CPA6: variants seen among roughly 807,000 people sequenced by gnomAD.
CPA6 encodes the protein carboxypeptidase A6.
CPA6 carries 58 observed loss-of-function variants against 63.3 expected under a neutral mutation model. The ratio of observed to expected loss-of-function variants is 0.92; its 90% confidence interval spans 0.74 to 1.14. The LOEUF (loss-of-function observed/expected upper bound fraction) is 1.14, where lower values mean the gene tolerates loss of function less well. Ranked by LOEUF, CPA6 falls within the 50% of genes most tolerant of loss-of-function variation. The probability of loss-of-function intolerance (pLI) is 0.00; values close to 1 mark genes in which losing one functional copy is unlikely to be tolerated. For missense variants in CPA6, 565 were observed against 526.6 expected, an observed-to-expected ratio of 1.07 and a Z score of -0.71; for synonymous variants, 185 against 179.0, an observed-to-expected ratio of 1.03 and a Z score of -0.27.
At chr8:67,489,138 G>T (rs1171293246) in intron 6 of CPA6, among the ~76,000 whole-genome samples, 1 of 151,778 alleles carries the variant, frequency 6.6e-6, no homozygotes, top group Non-Finnish European at 1.5e-5. Context: ...TAGAGACAGG[G>T]TCTCCCTATG....
intron 9 of CPA6, 64 bp from the exon 10 acceptor site, chr8:67,428,195 G>C (rs956263206): frequency 5.6e-6 from 5 of 899,164 alleles, no homozygotes; most frequent in Non-Finnish European, 9.2e-6. Flanking sequence ...ACACTGCTAT[G>C]TTGTTTGAGC....
At chr8:67,427,544 T>C (rs1809920771) in intron 10 of CPA6, among the ~76,000 whole-genome samples, 1 of 152,202 alleles carries the variant, frequency 6.6e-6, no homozygotes, top group South Asian at 2.1e-4. Flanking sequence ...GATCTCTGGC[T>C]CTGCTATACA....
At chr8:67,742,718 T>G (rs543677111) in intron 1 of CPA6, among the ~76,000 whole-genome samples, 77 of 152,270 alleles carry the variant, frequency 5.1e-4, no homozygotes, top group African/African-American at 1.8e-3. Context: ...AACCTCAGTT[T>G]AAGAAGTTAA....
chr8:67,658,116 A>G (rs11987287), intron 1 of CPA6, among the ~76,000 whole-genome samples: 82 of 152,118 alleles, frequency 5.4e-4, no homozygotes, highest in African/African-American at 1.9e-3. Context: ...ACTCTTCCCT[A>G]CCTTACTGGT....
chr8:67,444,379 T>C (rs1293237166), intron 8 of CPA6, among the ~76,000 whole-genome samples: 1 of 152,118 alleles, frequency 6.6e-6, no homozygotes, highest in Non-Finnish European at 1.5e-5. Flanking sequence ...ATTTTGGACA[T>C]GTTAAGTTTG....
chr8:67,599,405 C>G (rs546795808), intron 2 of CPA6, among the ~76,000 whole-genome samples: 2 of 152,278 alleles, frequency 1.3e-5, no homozygotes, highest in East Asian at 3.9e-4. Context: ...CCTGGTTGCC[C>G]AACTCCCCTC....
chr8:67,709,259 A>G (rs151279368), intron 1 of CPA6, among the ~76,000 whole-genome samples: 27 of 152,314 alleles, frequency 1.8e-4, no homozygotes, highest in Admixed American at 5.2e-4. Context: ...CAGATCCTGG[A>G]ATCATGTCAA....
intron 1 of CPA6, among the ~76,000 whole-genome samples, chr8:67,728,322 C>T (rs1563410935): frequency 6.6e-6 from 1 of 152,102 alleles, no homozygotes; most frequent in East Asian, 1.9e-4. Context: ...CTGTGATTCC[C>T]CTGTGTTTAT....
rs192820161 is a variant in CPA6, at chr8:67,614,634, A to G, written c.192+9542T>C. Among the ~76,000 whole-genome samples the G allele has an allele frequency of 2.9e-3, 441 of 152,276 alleles. 3 individuals are homozygous for G. The highest frequency in any genetic ancestry group is 0.01 in the African/African-American group (424 of 41,562). ...ACTAGAAATCTTTCCCCTAAGAGAA[A>G]ATTGCCCCCATTTTGTCTACATGCA... is the stretch of plus-strand genomic sequence containing the variant. On this transcript the variant is annotated intron_variant, in intron 2 of 10. Transcript: ENST00000297770.
chr8:67,659,372 G>A (rs1457115500), intron 1 of CPA6, among the ~76,000 whole-genome samples: 6 of 152,210 alleles, frequency 3.9e-5, no homozygotes, highest in Non-Finnish European at 2.9e-5. Flanking sequence ...TGCTATATAT[G>A]CGTAACTCAG....
intron 2 of CPA6, among the ~76,000 whole-genome samples, chr8:67,566,522 C>A (rs1331098007): frequency 6.6e-6 from 1 of 152,200 alleles, no homozygotes; most frequent in Non-Finnish European, 1.5e-5. Flanking sequence ...AAGTTCCTGG[C>A]TATGTTTTCA....
intron 1 of CPA6, among the ~76,000 whole-genome samples, chr8:67,626,056 C>T (rs1815187694): frequency 6.6e-6 from 1 of 152,200 alleles, no homozygotes; most frequent in Non-Finnish European, 1.5e-5. Context: ...TCTCCTGCCA[C>T]CATGTGGAGG....
At chr8:67,735,247 C>T (rs181375265) in intron 1 of CPA6, 2 of 152,158 alleles carry the variant, frequency 1.3e-5, no homozygotes, top group East Asian at 3.9e-4. Context: ...CTGTCGTTTC[C>T]TCTGCAAGAC....
chr8:67,425,952 A>T (rs1563947305), intron 10 of CPA6, among the ~76,000 whole-genome samples: 1 of 148,870 alleles, frequency 6.7e-6, no homozygotes, highest in Non-Finnish European at 1.5e-5. Flanking sequence ...GCTGGAGTGC[A>T]ATGGCACCAT....
At chr8:67,532,448 C>A (rs1812497447) in intron 2 of CPA6, among the ~76,000 whole-genome samples, 1 of 152,006 alleles carries the variant, frequency 6.6e-6, no homozygotes, top group Non-Finnish European at 1.5e-5. Flanking sequence ...GAGGCTGAGG[C>A]AGGCAATTAC....
chr8:67,726,673 G>T (rs1429175318), intron 1 of CPA6, among the ~76,000 whole-genome samples: 1 of 152,196 alleles, frequency 6.6e-6, no homozygotes, highest in Non-Finnish European at 1.5e-5. Context: ...GACCACTGAA[G>T]AATTTCTATT....
At chr8:67,585,764 A>G (rs2128979511) in intron 2 of CPA6, among the ~76,000 whole-genome samples, 1 of 152,310 alleles carries the variant, frequency 6.6e-6, no homozygotes, top group Middle Eastern at 3.4e-3. Context: ...AAAGGGCTGT[A>G]ATTAGTATAC....
intron 2 of CPA6, among the ~76,000 whole-genome samples, chr8:67,557,624 G>A (rs1379131644): frequency 6.6e-6 from 1 of 152,136 alleles, no homozygotes; most frequent in African/African-American, 2.4e-5. Flanking sequence ...TCTCAGTTCT[G>A]CAGGGTGTCT....
At chr8:67,634,387 T>G (rs1189904749) in intron 1 of CPA6, among the ~76,000 whole-genome samples, 1 of 150,764 alleles carries the variant, frequency 6.6e-6, no homozygotes, top group Non-Finnish European at 1.5e-5. Context: ...CCCGGCTAAT[T>G]TTTTGTATTT....
Sources: allele counts gnomAD v4.1 joint callset (sites outside exome capture counted in the v4.1 genomes callset), GRCh38; gene constraint gnomAD v4.1.1; transcripts MANE v1.5; gene names NCBI Gene and HGNC (gene_info 2026-07-23, HGNC 2026-07-21).